The following STAU2 variants were observed in gnomAD, a reference collection of about 807,000 sequenced individuals.
The protein encoded by STAU2 is double-stranded RNA-binding protein Staufen homolog 2.
STAU2 carries 20 observed loss-of-function variants against 65.9 expected under a neutral mutation model. That is an observed-to-expected ratio of 0.30 (90% CI 0.21 to 0.44). The LOEUF (loss-of-function observed/expected upper bound fraction) is 0.44. Among genes scored for constraint, STAU2 ranks in the 20% least tolerant of loss-of-function variants. STAU2 has a pLI of 1.00. For synonymous variants in STAU2, 232 were observed against 233.9 expected, an observed-to-expected ratio of 0.99 and a Z score of 0.07; for missense variants, 558 against 683.9, an observed-to-expected ratio of 0.82 and a Z score of 2.05.
chr8:73,574,305 G>A (rs913608030), intron 12 of STAU2, among the ~76,000 whole-genome samples: 32 of 152,338 alleles, frequency 2.1e-4, no homozygotes, highest in Middle Eastern at 3.4e-3. Flanking sequence ...TACACTGTAG[G>A]TGGGACTGTA....
At chr8:73,422,872 T>C (rs142971544) in intron 13 of STAU2, among the ~76,000 whole-genome samples, 170 bp from the exon 14 acceptor site, 307 of 152,340 alleles carry the variant, frequency 2.0e-3, no homozygotes, top group African/African-American at 5.7e-3. Context: ...CAGCAGTGTA[T>C]ATACATAACC....
intron 12 of STAU2, among the ~76,000 whole-genome samples, chr8:73,575,852 AG>A (rs1387830274): frequency 6.6e-6 from 1 of 152,056 alleles, no homozygotes; most frequent in Non-Finnish European, 1.5e-5. Context: ...CTTGAAGGTC[AG>A]GGTGGCCACT....
chr8:73,610,480 C>T (rs1000595754), intron 9 of STAU2, among the ~76,000 whole-genome samples: 5 of 149,210 alleles, frequency 3.4e-5, no homozygotes, highest in South Asian at 2.1e-4. Flanking sequence ...AAGTTGCAGC[C>T]AGCCAAGATC....
chr8:73,634,572 T>G (rs1814354836), intron 6 of STAU2, among the ~76,000 whole-genome samples: 1 of 152,178 alleles, frequency 6.6e-6, no homozygotes, highest in Non-Finnish European at 1.5e-5. Flanking sequence ...TGCATTTCAT[T>G]CATAGTAGCC....
Position 73,709,093 on chromosome 8 carries a change from C to T in STAU2, c.53G>A (p.Arg18His), listed in dbSNP as rs1339000417. ...ATACTGGGGTTGGACTCTATTGAAA[C>T]GGGCTAACTCATTTACCAGACACAT... ...TAMCLVNELA[R>H]FNRVQPQYKL... is the part of the protein sequence containing the mutation. Residue 18 changes from arginine to histidine, a missense_variant, in exon 4 of 15, where the codon CGT (arginine) becomes CAT (histidine). By Grantham distance (29) the Arg-to-His change is conservative. Transcript: ENST00000524300. 28 of 1,533,264 alleles carry T rather than the reference C, an allele frequency of 1.8e-5. No individual in the cohort carries two copies. The Admixed American group carries it at 3.0e-4, about 16-fold the overall frequency. 95.0% of individuals were successfully genotyped at this position (1,533,264 alleles called of 1,614,324 possible).
intron 13 of STAU2, among the ~76,000 whole-genome samples, chr8:73,502,295 T>G (rs756907717): frequency 2.6e-5 from 4 of 151,972 alleles, no homozygotes; most frequent in Non-Finnish European, 5.9e-5. Context: ...AAGAATTTGC[T>G]AACTTCTTAC....
intron 2 of STAU2, among the ~76,000 whole-genome samples, chr8:73,739,104 G>C (rs1011366903): frequency 6.6e-6 from 1 of 151,906 alleles, no homozygotes; most frequent in African/African-American, 2.4e-5. Flanking sequence ...ATGGTGGCGC[G>C]TGCCTGTAAT....
intron 5 of STAU2, among the ~76,000 whole-genome samples, chr8:73,677,180 C>G (rs1007172895): frequency 6.6e-6 from 1 of 152,118 alleles, no homozygotes; most frequent in Non-Finnish European, 1.5e-5. Flanking sequence ...CAATGAATTA[C>G]TATTATACCT....
intron 13 of STAU2, among the ~76,000 whole-genome samples, chr8:73,456,005 T>C (rs1389259600): frequency 6.6e-6 from 1 of 152,198 alleles, no homozygotes; most frequent in African/African-American, 2.4e-5. Context: ...AGAAGATGGA[T>C]TAAATGTCTA....
At chr8:73,609,389 C>T (rs1326944666) in intron 9 of STAU2, among the ~76,000 whole-genome samples, 2 of 151,998 alleles carry the variant, frequency 1.3e-5, no homozygotes, top group Admixed American at 1.3e-4. Context: ...CGCGGTGGCT[C>T]ATGTCTGTAA....
intron 10 of STAU2, among the ~76,000 whole-genome samples, chr8:73,596,976 C>G (rs1479291704): frequency 6.6e-6 from 1 of 151,898 alleles, no homozygotes; most frequent in Non-Finnish European, 1.5e-5. Context: ...TATATCAAAA[C>G]TTGAAGGACA....
intron 6 of STAU2, among the ~76,000 whole-genome samples, chr8:73,654,637 C>CAGAAAAAAA (rs1816164788): frequency 3.8e-5 from 1 of 26,308 alleles, no homozygotes; most frequent in African/African-American, 1.3e-4. Context: ...AAGATTGTCT[C>CAGAAAAAAA]AAAAAAAAAA....
At chr8:73,520,451 C>A (rs910368606) in intron 13 of STAU2, among the ~76,000 whole-genome samples, 4 of 152,118 alleles carry the variant, frequency 2.6e-5, no homozygotes, top group African/African-American at 9.7e-5. Flanking sequence ...AATACGGCTA[C>A]TAGAAAATTT....
At chr8:73,529,363 AT>A (rs1805651538) in intron 13 of STAU2, among the ~76,000 whole-genome samples, 1 of 152,242 alleles carries the variant, frequency 6.6e-6, no homozygotes, top group Non-Finnish European at 1.5e-5. Flanking sequence ...TGGTTAAACT[AT>A]TATGTCTGAT....
chr8:73,516,794 A>G (rs1822751890), intron 13 of STAU2, among the ~76,000 whole-genome samples: 1 of 152,212 alleles, frequency 6.6e-6, no homozygotes, highest in Non-Finnish European at 1.5e-5. Flanking sequence ...AGTGACCTCC[A>G]GTGGGCAATA....
intron 6 of STAU2, among the ~76,000 whole-genome samples, chr8:73,630,443 T>C (rs1814007231): frequency 6.6e-6 from 1 of 152,232 alleles, no homozygotes; most frequent in African/African-American, 2.4e-5. Flanking sequence ...AAGTAATACT[T>C]AGAGCTTTGA....
chr8:73,638,308 A>C (rs925959132), intron 6 of STAU2, among the ~76,000 whole-genome samples: 2 of 151,948 alleles, frequency 1.3e-5, no homozygotes, highest in African/African-American at 4.8e-5. Flanking sequence ...TCCTTGATCC[A>C]GCATTTTACA....
intron 13 of STAU2, among the ~76,000 whole-genome samples, chr8:73,465,502 T>C (rs1419663373): frequency 2.0e-5 from 3 of 152,236 alleles, no homozygotes; most frequent in African/African-American, 7.2e-5. Flanking sequence ...AAACTAATTA[T>C]CTCTTTCTAA....
chr8:73,675,403 A>ACACACACG (rs71269933), intron 5 of STAU2: 4 of 151,556 alleles, frequency 2.6e-5, no homozygotes, highest in African/African-American at 9.7e-5. Flanking sequence ...ACACACACAC[A>ACACACACG]GGCTCAAAAT....
Sources: allele counts gnomAD v4.1 joint callset (sites outside exome capture counted in the v4.1 genomes callset), GRCh38; gene constraint gnomAD v4.1.1; transcripts MANE v1.5; gene names NCBI Gene and HGNC (gene_info 2026-07-23, HGNC 2026-07-21).